SIGLEC15: variants seen among roughly 807,000 people sequenced by gnomAD.
The protein encoded by SIGLEC15 is sialic acid-binding Ig-like lectin 15.
A neutral mutation model predicts 26.2 loss-of-function variants in SIGLEC15; 31 were observed. The ratio of observed to expected loss-of-function variants is 1.18; its 90% confidence interval spans 0.89 to 1.60. SIGLEC15 has a LOEUF of 1.60. SIGLEC15 is among the 40% of genes most tolerant of loss of function. The probability of loss-of-function intolerance (pLI) is 0.00; values close to 1 mark genes in which losing one functional copy is unlikely to be tolerated. For synonymous variants in SIGLEC15, 207 were observed against 221.9 expected (o/e 0.93, Z 0.60); for missense variants, 501 against 488.4 (o/e 1.03, Z -0.24).
At chr18:45,840,463 C>G (rs547933374) in intron 5 of SIGLEC15, among the ~76,000 whole-genome samples, 1 of 152,222 alleles carries the variant, frequency 6.6e-6, no homozygotes, top group African/African-American at 2.4e-5. Context: ...TCCTCCCCCA[C>G]GACTCCAGGC....
intron 1 of SIGLEC15, among the ~76,000 whole-genome samples, chr18:45,830,120 G>A (rs953253060): frequency 5.5e-4 from 66 of 119,570 alleles, no homozygotes; most frequent in African/African-American, 2.0e-3. Context: ...GCGTGACTAC[G>A]CCCACAGAAG....
intron 1 of SIGLEC15, among the ~76,000 whole-genome samples, chr18:45,833,713 G>A (rs778067103): frequency 1.3e-5 from 2 of 152,152 alleles, no homozygotes; most frequent in African/African-American, 4.8e-5. Flanking sequence ...GTTTACTGCT[G>A]TCATTATTGT....
At chr18:45,841,874 G>C (rs1039379498) in intron 5 of SIGLEC15, among the ~76,000 whole-genome samples, 1 of 152,112 alleles carries the variant, frequency 6.6e-6, no homozygotes, top group Non-Finnish European at 1.5e-5. Flanking sequence ...CAGTCTTGAG[G>C]CCTCAGACAG....
At chr18:45,834,815 T>C (rs1424879175) in intron 1 of SIGLEC15, among the ~76,000 whole-genome samples, 1 of 152,236 alleles carries the variant, frequency 6.6e-6, no homozygotes, top group Non-Finnish European at 1.5e-5. Flanking sequence ...GGCTCTGTGA[T>C]GCCTGCAAGA....
chr18:45,828,133 G>A (rs1271084043), intron 1 of SIGLEC15, among the ~76,000 whole-genome samples: 5 of 152,276 alleles, frequency 3.3e-5, no homozygotes, highest in South Asian at 4.1e-4. Flanking sequence ...CAGGAGGCCC[G>A]AGGAGCAGGC....
rs763814704 is a variant in SIGLEC15 at position 45,837,812 on chromosome 18, C to A, written c.412C>A (p.Arg138Ser). The part of the protein sequence containing the change: ...RVERLALADD[R>S]RYFCRVEFAG... ...CGAGCGCCTCGCCCTGGCTGACGAC[C>A]GCCGCTACTTCTGCCGCGTCGAGTT... The change falls in exon 3 of 6, where the codon CGC becomes AGC. Residue 138 changes from arginine to serine, a missense_variant. Coordinates refer to ENST00000389474, the MANE Select transcript of SIGLEC15 (RefSeq NM_213602.3). 1 of 1,531,688 alleles carries A rather than the reference C, an allele frequency of 6.5e-7. No homozygotes were observed. Among genetic ancestry groups the A allele is most frequent in the Non-Finnish European group, 8.7e-7 (1 of 1,149,186 alleles). The allele number at this position is 1,531,688 out of a possible 1,614,324, so 94.9% of individuals were successfully genotyped here. A position where few individuals can be genotyped will look rare whatever the true frequency, so the allele number is the denominator to read the frequency against.
In SIGLEC15 at chr18:45,842,453, G is replaced by A. The variant is rs2048333792; in HGVS notation, c.*266G>A. 2.1e-6 allele frequency: 1 copy of A among 479,062 alleles called. No individual in the cohort carries two copies. Among genetic ancestry groups the A allele is most frequent in the Admixed American group, 3.3e-5 (1 of 30,478 alleles). 29.7% of individuals were successfully genotyped at this position (479,062 alleles called of 1,614,324 possible). On this transcript the variant is annotated 3_prime_UTR_variant, in exon 6 of 6. Transcript: ENST00000389474. ...TGTGTGTGTGTGTGTGAGAGAGAGA[G>A]AGAGAGAGTACACGCATTAGCTTGA...
In SIGLEC15 at chr18:45,825,685, T is replaced by C. The variant is rs1442154632; in HGVS notation, c.-44T>C. The C allele has an allele frequency of 3.1e-6, 5 of 1,605,058 alleles. No individual in the cohort carries two copies. Among genetic ancestry groups the C allele is most frequent in the Non-Finnish European group, 1.7e-6 (2 of 1,172,680 alleles). On this transcript the variant is annotated 5_prime_UTR_variant, in exon 1 of 6. Transcript: ENST00000389474. Reference sequence around the variant, plus strand: ...CCTGGGAGGGCCCTCACTGGGGAGGTGGCCGAGAGCGGGTCTGGCCTGGGG... The same window carrying C: ...CCTGGGAGGGCCCTCACTGGGGAGGCGGCCGAGAGCGGGTCTGGCCTGGGG...
chr18:45,842,438 TGTGTGAGA>T lies in SIGLEC15; in HGVS notation c.*253_*260del. 1 of 496,988 alleles carries T rather than the reference TGTGTGAGA, an allele frequency of 2.0e-6. No individual in the cohort carries two copies. Among genetic ancestry groups the T allele is most frequent in the Non-Finnish European group, 3.5e-6 (1 of 282,386 alleles). 30.8% of individuals were successfully genotyped at this position (496,988 alleles called of 1,614,324 possible). A position where few individuals can be genotyped will look rare whatever the true frequency, so the allele number is the denominator to read the frequency against. On this transcript the variant is annotated 3_prime_UTR_variant, in exon 6 of 6. Transcript: ENST00000389474. ...GTGCATACGTCTGTGTGTGTGTGTG[TGTGTGAGA>T]GAGAGAGAGAGAGAGTACACGCATT...
chr18:45,830,167 C>CT (rs1164684209), intron 1 of SIGLEC15, among the ~76,000 whole-genome samples: 1 of 152,244 alleles, frequency 6.6e-6, no homozygotes, highest in Non-Finnish European at 1.5e-5. Context: ...TCCTGCTTTG[C>CT]TTTTTTCCTT....
intron 5 of SIGLEC15, 138 bp from the exon 6 acceptor site, chr18:45,841,968 C>T (rs2048328053): frequency 2.5e-6 from 2 of 784,816 alleles, no homozygotes; most frequent in African/African-American, 1.7e-5. Flanking sequence ...CGATGCCATT[C>T]ATCTCTGAGC....
chr18:45,842,141 G>A lies in SIGLEC15; in HGVS notation c.941G>A (p.Ser314Asn). The change falls in exon 6 of 6, where the codon AGC becomes AAC. Residue 314 changes from serine (S) to asparagine (N), a missense_variant. Ser to Asn is a conservative substitution (Grantham distance 46). Transcript: ENST00000389474. ...QAQESNYENL[S>N]QMNPRSPPAT... ...CAGGAGTCCAATTATGAAAATTTGA[G>A]CCAGATGAACCCCCGGAGCCCACCA... 1 of 1,614,172 alleles carries A rather than the reference G, an allele frequency of 6.2e-7. No homozygotes were observed. The highest frequency in any genetic ancestry group is 8.5e-7 in the Non-Finnish European group (1 of 1,180,016).
In SIGLEC15 at chr18:45,837,039, G is replaced by A. The variant is rs774482410; in HGVS notation, c.63G>A (p.Val21=). The A allele has an allele frequency of 6.7e-7, 1 of 1,492,548 alleles. No homozygotes were observed. Among genetic ancestry groups the A allele is most frequent in the Non-Finnish European group, 9.3e-7 (1 of 1,069,628 alleles). 92.5% of individuals were successfully genotyped at this position (1,492,548 alleles called of 1,614,324 possible). ...TGTGTTTATCTGTAGGCTCATTTGT[G>A]AGAACTAAAATAGATACTACGGAGA... The part of the protein sequence containing the change: ...LAWVLPTGSF[V]RTKIDTTENL... The change falls in exon 2 of 6, where the codon GTG becomes GTA. Residue 21 remains valine, a synonymous_variant. Coordinates refer to ENST00000389474, the MANE Select transcript of SIGLEC15 (RefSeq NM_213602.3).
chr18:45,839,803 C>T (rs1473663050), intron 4 of SIGLEC15, among the ~76,000 whole-genome samples: 1 of 152,190 alleles, frequency 6.6e-6, no homozygotes, highest in Non-Finnish European at 1.5e-5. Flanking sequence ...GATCAGAAAT[C>T]TGCCCTGTGC....
intron 5 of SIGLEC15, among the ~76,000 whole-genome samples, chr18:45,840,553 C>T (rs1249927219): frequency 2.6e-5 from 4 of 152,220 alleles, no homozygotes; most frequent in Non-Finnish European, 5.9e-5. Flanking sequence ...ACACTCATCC[C>T]CGTTCCCCCC....
intron 1 of SIGLEC15, chr18:45,829,188 G>A (rs1568077446): frequency 1.0e-6 from 1 of 980,848 alleles, no homozygotes; most frequent in Non-Finnish European, 1.2e-6. Flanking sequence ...GCTCAGGTAA[G>A]CAGGGCCACA....
In SIGLEC15 at chr18:45,837,783, G is replaced by A; in HGVS notation, c.383G>A (p.Arg128His). 6.6e-7 allele frequency: 1 copy of A among 1,523,762 alleles called. No individual in the cohort carries two copies. Among genetic ancestry groups the A allele is most frequent in the African/African-American group, 1.4e-5 (1 of 69,794 alleles). 94.4% of individuals were successfully genotyped at this position (1,523,762 alleles called of 1,614,324 possible). Reference sequence around the variant, plus strand: ...CCGCGCCGCAACGACCTCTCGCTGCGCGTCGAGCGCCTCGCCCTGGCTGAC... The same window carrying A: ...CCGCGCCGCAACGACCTCTCGCTGCACGTCGAGCGCCTCGCCCTGGCTGAC... The part of the protein sequence containing the change: ...GNPRRNDLSL[R>H]VERLALADDR... Residue 128 changes from arginine to histidine, a missense_variant, in exon 3 of 6, where the codon CGC becomes CAC. Transcript: ENST00000389474.
chr18:45,835,132 T>C (rs151297214), intron 1 of SIGLEC15, among the ~76,000 whole-genome samples: 17 of 151,734 alleles, frequency 1.1e-4, no homozygotes, highest in Middle Eastern at 3.4e-3. Flanking sequence ...AAAGAACTTG[T>C]AGTTTTGAGG....
At chr18:45,841,698 AAAGAC>A (rs2048326041) in intron 5 of SIGLEC15, among the ~76,000 whole-genome samples, 25 of 152,164 alleles carry the variant, frequency 1.6e-4, no homozygotes, top group Admixed American at 1.6e-3. Context: ...TTCCTGAGAT[AAAGAC>A]AAGAGGAGAA....
Sources: gnomAD v4.1 joint callset for allele counts (sites outside exome capture counted in the v4.1 genomes callset) on GRCh38, gnomAD v4.1.1 for gene constraint, MANE v1.5 for transcripts, NCBI Gene and HGNC (gene_info 2026-07-23, HGNC 2026-07-21) for gene names.